Variants in ZNG1A observed in about 807,000 individuals in gnomAD.
ZNG1A encodes Zn regulated GTPase metalloprotein activator 1A.
the ZNG1A span, among the ~76,000 whole-genome samples, chr9:127,653 G>A: frequency 8.5e-5 from 13 of 152,050 alleles, no homozygotes; most frequent in African/African-American, 3.1e-4. Flanking sequence ...TATCTTTTAA[G>A]TGGAGCATTT....
the ZNG1A span, chr9:156,398 CTTAG>C: frequency 6.7e-7 from 1 of 1,482,690 alleles, no homozygotes; most frequent in Non-Finnish European, 9.1e-7. Context: ...TTTAAAATTT[CTTAG>C]TTTGTTTTTG....
the ZNG1A span, among the ~76,000 whole-genome samples, chr9:140,509 C>G: frequency 2.6e-5 from 4 of 151,898 alleles, no homozygotes; most frequent in African/African-American, 9.7e-5. Flanking sequence ...AAAAACCCAT[C>G]TGTACATCAC....
At chr9:145,633 G>A in the ZNG1A span, among the ~76,000 whole-genome samples, 5 of 150,736 alleles carry the variant, frequency 3.3e-5, no homozygotes, top group South Asian at 8.4e-4. Flanking sequence ...CACCAGCATG[G>A]CACATGTATA....
the ZNG1A span, among the ~76,000 whole-genome samples, chr9:139,986 AT>A: frequency 4.6e-5 from 7 of 150,668 alleles, no homozygotes; most frequent in African/African-American, 1.7e-4. Context: ...ACGAGATTAT[AT>A]CCCGCACCTG....
At chr9:138,743 TA>T in the ZNG1A span, among the ~76,000 whole-genome samples, 8 of 129,942 alleles carry the variant, frequency 6.2e-5, no homozygotes, top group Non-Finnish European at 9.5e-5. Context: ...TACAGAAAAT[TA>T]AAAAAAAAAA....
chr9:175,298 A>C, the ZNG1A span, among the ~76,000 whole-genome samples: 3 of 151,812 alleles, frequency 2.0e-5, no homozygotes, highest in Non-Finnish European at 1.5e-5. Context: ...GAATCACTTT[A>C]ACCCAGGAGA....
At chr9:158,807 C>G in the ZNG1A span, among the ~76,000 whole-genome samples, 1 of 151,696 alleles carries the variant, frequency 6.6e-6, no homozygotes, top group African/African-American at 2.4e-5. Context: ...GATAAATGTC[C>G]TCTTCTATGC....
chr9:175,688 C>G, the ZNG1A span: 1 of 1,554,232 alleles, frequency 6.4e-7, no homozygotes, highest in Non-Finnish European at 8.8e-7. Flanking sequence ...ATTTATTGAA[C>G]TTTACTTACC....
chr9:165,612 G>A, the ZNG1A span, among the ~76,000 whole-genome samples: 3 of 123,064 alleles, frequency 2.4e-5, no homozygotes, highest in Non-Finnish European at 4.9e-5. Flanking sequence ...CTAGGGGAAT[G>A]CTACTGGCAT....
chr9:170,335 T>TTGTG, the ZNG1A span, among the ~76,000 whole-genome samples: 1 of 146,564 alleles, frequency 6.8e-6, no homozygotes, highest in Non-Finnish European at 1.5e-5. Flanking sequence ...ATGTACCTAC[T>TTGTG]TGTGTGTGTG....
the ZNG1A span, chr9:148,318 T>A: frequency 1.1e-5 from 1 of 88,124 alleles, no homozygotes; most frequent in East Asian, 3.2e-4. Flanking sequence ...AGGATCAATA[T>A]TAGACCTGTA....
At chr9:172,951 T>G in the ZNG1A span, 6 of 310,118 alleles carry the variant, frequency 1.9e-5, 1 homozygote, top group African/African-American at 3.1e-5. Flanking sequence ...ATTGAACACT[T>G]AGAAGTATGA....
the ZNG1A span, among the ~76,000 whole-genome samples, chr9:164,201 TTA>T: frequency 1.4e-5 from 2 of 142,666 alleles, no homozygotes; most frequent in South Asian, 4.7e-4. Context: ...CAAAAGGGAA[TTA>T]TAGTGATAGA....
chr9:144,610 C>T, the ZNG1A span, among the ~76,000 whole-genome samples: 2 of 151,928 alleles, frequency 1.3e-5, no homozygotes, highest in African/African-American at 4.8e-5. Context: ...AAAACCTAGG[C>T]ATTACCATTC....
At chr9:162,749 C>T in the ZNG1A span, among the ~76,000 whole-genome samples, 1 of 150,578 alleles carries the variant, frequency 6.6e-6, no homozygotes, top group East Asian at 1.9e-4. Flanking sequence ...AATAAGATTT[C>T]CTTGGCACTG....
the ZNG1A span, among the ~76,000 whole-genome samples, chr9:157,761 T>A: frequency 2.1e-5 from 3 of 146,128 alleles, no homozygotes; most frequent in Non-Finnish European, 1.5e-5. Context: ...GCTACACAAA[T>A]GTCAATAATC....
At chr9:166,560 A>C in the ZNG1A span, 2 of 152,684 alleles carry the variant, frequency 1.3e-5, no homozygotes, top group African/African-American at 4.8e-5. Context: ...CCATTCTGGA[A>C]GGATACATAA....
the ZNG1A span, chr9:123,306 TAAGACC>T: frequency 6.8e-7 from 1 of 1,461,572 alleles, no homozygotes; most frequent in Non-Finnish European, 9.3e-7. Context: ...CATATTTTAA[TAAGACC>T]AACCATCGCT....
chr9:154,806 A>C, the ZNG1A span: 1 of 1,477,654 alleles, frequency 6.8e-7, no homozygotes, highest in Non-Finnish European at 9.2e-7. Context: ...CTAAAATAGC[A>C]AACAGAGAAA....
Sources: gnomAD v4.1 joint callset for allele counts (sites outside exome capture counted in the v4.1 genomes callset) on GRCh38, gnomAD v4.1.1 for gene constraint, MANE v1.5 for transcripts, NCBI Gene and HGNC (gene_info 2026-07-23, HGNC 2026-07-21) for gene names.